SNTG1: variants seen among roughly 807,000 people sequenced by gnomAD.
SNTG1 encodes syntrophin gamma 1, also known as gamma-1-syntrophin.
SNTG1 carries 39 observed loss-of-function variants against 74.7 expected under a neutral mutation model. The observed-to-expected ratio is 0.52, with a 90% CI of 0.40 to 0.68. The LOEUF is 0.68. SNTG1 is among the 30% of genes least tolerant of loss of function. The pLI, the probability that SNTG1 is intolerant of heterozygous loss-of-function variation, is 0.00. For synonymous variants in SNTG1, 254 were observed against 217.1 expected, an observed-to-expected ratio of 1.17 and a Z score of -1.49; for missense variants, 685 against 609.5, an observed-to-expected ratio of 1.12 and a Z score of -1.30.
intron 1 of SNTG1, among the ~76,000 whole-genome samples, chr8:50,130,654 G>T (rs915152885): frequency 6.6e-6 from 1 of 151,988 alleles, no homozygotes; most frequent in African/African-American, 2.4e-5. Flanking sequence ...TGAAATTTGC[G>T]TTAAAAGATG....
rs147044854 is a variant in SNTG1 at position 50,026,456 on chromosome 8, A to G, written c.-103+114225A>G. Among the ~76,000 whole-genome samples, 14 of 152,320 alleles carry G rather than the reference A, an allele frequency of 9.2e-5. No individual in the cohort carries two copies. In the East Asian group the frequency reaches 2.3e-3, roughly 25 times the overall value. On this transcript the variant is annotated intron_variant, in intron 1 of 18. Coordinates refer to ENST00000642720, the MANE Select transcript of SNTG1 (RefSeq NM_018967.5). ...GGCTAAAGGGAGTTGATAATGAGATAAGGGTTGAAGGTTCAAACTCCCTGT... is the reference window on the plus strand; with the variant it reads ...GGCTAAAGGGAGTTGATAATGAGATGAGGGTTGAAGGTTCAAACTCCCTGT...
upstream of SNTG1, chr8:49,911,199 A>G (rs988719319): frequency 6.6e-6 from 1 of 152,206 alleles, no homozygotes; most frequent in African/African-American, 2.4e-5. Flanking sequence ...CAAAATTTGA[A>G]TGTGGTCCCC....
chr8:50,460,970 TC>T (rs1031362135), intron 8 of SNTG1, among the ~76,000 whole-genome samples: 2 of 152,188 alleles, frequency 1.3e-5, no homozygotes, highest in African/African-American at 4.8e-5. Context: ...TGCACTTTAT[TC>T]AGATTTCATT....
At chr8:50,168,342 C>A (rs776792617) in intron 1 of SNTG1, among the ~76,000 whole-genome samples, 1 of 152,024 alleles carries the variant, frequency 6.6e-6, no homozygotes, top group Non-Finnish European at 1.5e-5. Flanking sequence ...CTATTAAGAC[C>A]AAGTCATTCC....
At chr8:50,399,673 A>G (rs1008690527) in intron 3 of SNTG1, among the ~76,000 whole-genome samples, 1 of 138,238 alleles carries the variant, frequency 7.2e-6, no homozygotes, top group Non-Finnish European at 1.6e-5. Flanking sequence ...ATCATTTCAT[A>G]TTTCCACTCC....
At chr8:50,554,627 T>G (rs534966943) in intron 12 of SNTG1, among the ~76,000 whole-genome samples, 3 of 152,038 alleles carry the variant, frequency 2.0e-5, no homozygotes, top group South Asian at 2.1e-4. Context: ...TAATCTGGTG[T>G]TGTCACCATA....
rs544747635 is a variant in SNTG1, at chr8:50,452,628, G to T, written c.363+1899G>T. Among the ~76,000 whole-genome samples, 11 of 152,138 alleles carry T rather than the reference G, an allele frequency of 7.2e-5. 1 individual carries two copies. The highest frequency in any genetic ancestry group is 2.4e-4 in the African/African-American group (10 of 41,432). On this transcript the variant is annotated intron_variant, in intron 8 of 18. Coordinates refer to ENST00000642720, the MANE Select transcript of SNTG1 (RefSeq NM_018967.5). ...GCACCAATAATTCCACTTCTGAATG[G>T]TTCTCATTCTGTTATAAAGGAAAGA...
chr8:50,274,351 T>C (rs1357671286), intron 2 of SNTG1, among the ~76,000 whole-genome samples: 2 of 152,052 alleles, frequency 1.3e-5, no homozygotes, highest in Non-Finnish European at 2.9e-5. Context: ...CTTCCCAAAG[T>C]GCTGGGATTG....
intron 4 of SNTG1, among the ~76,000 whole-genome samples, chr8:50,406,184 A>G (rs1466910288): frequency 7.2e-5 from 11 of 152,110 alleles, no homozygotes; most frequent in Non-Finnish European, 1.5e-4. Flanking sequence ...TGAACATAAC[A>G]TCTTTCCATT....
At chr8:50,739,226 A>T (rs1488367706) in intron 17 of SNTG1, among the ~76,000 whole-genome samples, 2 of 152,108 alleles carry the variant, frequency 1.3e-5, no homozygotes, top group Non-Finnish European at 2.9e-5. Flanking sequence ...AGAAAAAAAC[A>T]AACAACCCCA....
At chr8:50,314,627 G>T (rs1428264809) in intron 2 of SNTG1, among the ~76,000 whole-genome samples, 3 of 149,798 alleles carry the variant, frequency 2.0e-5, no homozygotes, top group Non-Finnish European at 2.9e-5. Context: ...CACACTTTTT[G>T]CTATTTCCTG....
At chr8:50,484,137 C>T (rs4999075) in intron 8 of SNTG1, among the ~76,000 whole-genome samples, 15,720 of 53,582 alleles carry the variant, frequency 0.29, 1,548 homozygotes, top group South Asian at 0.52. Context: ...TCTTTCTTTC[C>T]TTCTTTCTTT....
chr8:50,032,829 G>A (rs1039477348), intron 1 of SNTG1, among the ~76,000 whole-genome samples: 4 of 151,956 alleles, frequency 2.6e-5, no homozygotes, highest in Non-Finnish European at 4.4e-5. Flanking sequence ...AAAGTCCCAG[G>A]AACCATCAAA....
chr8:50,579,459 G>A (rs991447396), intron 12 of SNTG1, among the ~76,000 whole-genome samples: 1 of 152,146 alleles, frequency 6.6e-6, no homozygotes, highest in African/African-American at 2.4e-5. Flanking sequence ...TAATTACCAA[G>A]ACAATGGGGA....
At chr8:50,783,246 A>T (rs1585787623) in intron 18 of SNTG1, among the ~76,000 whole-genome samples, 2 of 152,268 alleles carry the variant, frequency 1.3e-5, no homozygotes, top group South Asian at 4.1e-4. Flanking sequence ...AGGGACATTT[A>T]AGACTGCAGA....
At chr8:50,527,267 G>A (rs1331346637) in intron 9 of SNTG1, among the ~76,000 whole-genome samples, 4 of 151,960 alleles carry the variant, frequency 2.6e-5, no homozygotes, top group African/African-American at 2.4e-5. Flanking sequence ...TATAAATTAC[G>A]AAGATTTTCT....
At chr8:50,472,481 T>A (rs1463475969) in intron 8 of SNTG1, among the ~76,000 whole-genome samples, 1 of 151,982 alleles carries the variant, frequency 6.6e-6, no homozygotes, top group African/African-American at 2.4e-5. Context: ...TGTGAAAAAA[T>A]TAAACTGGAC....
At chr8:50,672,631 T>C (rs775798615) in intron 15 of SNTG1, among the ~76,000 whole-genome samples, 1 of 152,318 alleles carries the variant, frequency 6.6e-6, no homozygotes, top group South Asian at 2.1e-4. Flanking sequence ...TCCAATTCTG[T>C]AGGTGGCCTG....
chr8:50,054,945 T>C (rs1226200308), intron 1 of SNTG1, among the ~76,000 whole-genome samples: 1 of 152,104 alleles, frequency 6.6e-6, no homozygotes, highest in African/African-American at 2.4e-5. Flanking sequence ...TCAAGGTACA[T>C]CCCACCTTGG....
Sources: gnomAD v4.1 joint callset for allele counts (sites outside exome capture counted in the v4.1 genomes callset) on GRCh38, gnomAD v4.1.1 for gene constraint, MANE v1.5 for transcripts, NCBI Gene and HGNC (gene_info 2026-07-23, HGNC 2026-07-21) for gene names.